ZFAND3: variants seen among roughly 807,000 people sequenced by gnomAD.
ZFAND3 encodes zinc finger AN1-type containing 3.
In ZFAND3, 10 loss-of-function variants were observed where a neutral mutation model predicts 29.6. The observed-to-expected ratio is 0.34, with a 90% CI of 0.21 to 0.57. The LOEUF (loss-of-function observed/expected upper bound fraction) is 0.57, where lower values mean the gene tolerates loss of function less well. Among genes scored for constraint, ZFAND3 ranks in the 20% least tolerant of loss-of-function variants. The pLI is 0.86. For synonymous variants in ZFAND3, 128 were observed against 112.6 expected (o/e 1.14, Z -0.87); for missense variants, 230 against 304.5 (o/e 0.76, Z 1.82).
chr6:38,012,512 G>T (rs911097837), intron 2 of ZFAND3, among the ~76,000 whole-genome samples: 1 of 151,804 alleles, frequency 6.6e-6, no homozygotes, highest in Non-Finnish European at 1.5e-5. Context: ...CCGAGTAGCT[G>T]GGACTACAGG....
chr6:38,142,673 C>T (rs1765987363), intron 5 of ZFAND3, among the ~76,000 whole-genome samples: 1 of 152,190 alleles, frequency 6.6e-6, no homozygotes, highest in African/African-American at 2.4e-5. Context: ...AGCACTCTTC[C>T]CCTGAGAGCC....
rs533861872 is a variant in ZFAND3 at position 37,883,900 on chromosome 6, G to C, written c.72-46059G>C. Among the ~76,000 whole-genome samples, 6 of 145,160 alleles carry C rather than the reference G, an allele frequency of 4.1e-5. No homozygotes were observed. The East Asian group carries it at 1.2e-3, about 28-fold the overall frequency. The stretch of plus-strand genomic sequence containing the variant: ...CCCGTCCACCTAACTAGTTCATAAT[G>C]TATGTTCAGGAGATTCGCCAGGCCT... On this transcript the variant is annotated intron_variant, in intron 1 of 5. Coordinates refer to ENST00000287218, the MANE Select transcript of ZFAND3 (RefSeq NM_021943.3).
At chr6:37,848,546 A>G (rs943273533) in intron 1 of ZFAND3, among the ~76,000 whole-genome samples, 5 of 152,248 alleles carry the variant, frequency 3.3e-5, no homozygotes, top group South Asian at 2.1e-4. Flanking sequence ...TAGCCTCATC[A>G]TAAGTTACTC....
chr6:38,132,895 T>A (rs1765769888), intron 5 of ZFAND3, among the ~76,000 whole-genome samples: 1 of 152,146 alleles, frequency 6.6e-6, no homozygotes, highest in East Asian at 1.9e-4. Flanking sequence ...CTGTCACAAA[T>A]CCTCTTCTTC....
intron 2 of ZFAND3, among the ~76,000 whole-genome samples, chr6:38,057,524 A>G (rs370657326): frequency 2.6e-5 from 4 of 152,198 alleles, no homozygotes; most frequent in African/African-American, 9.7e-5. Flanking sequence ...TTCTTCATGT[A>G]CATTATCTTA....
At chr6:37,888,199 G>C (rs1180149579) in intron 1 of ZFAND3, among the ~76,000 whole-genome samples, 1 of 152,038 alleles carries the variant, frequency 6.6e-6, no homozygotes, top group Non-Finnish European at 1.5e-5. Context: ...AATTTTTGCA[G>C]GTTTGATTAG....
intron 2 of ZFAND3, among the ~76,000 whole-genome samples, chr6:38,031,294 C>T (rs1581854155): frequency 6.6e-6 from 1 of 152,204 alleles, no homozygotes; most frequent in Non-Finnish European, 1.5e-5. Flanking sequence ...CCTTCTGACT[C>T]ATCTCCTCAA....
intron 2 of ZFAND3, among the ~76,000 whole-genome samples, chr6:37,969,387 T>A (rs987246279): frequency 3.3e-5 from 5 of 152,226 alleles, no homozygotes; most frequent in African/African-American, 1.2e-4. Context: ...TTAATACCCT[T>A]AAGCTGCCAA....
At chr6:37,991,672 C>T (rs1762760975) in intron 2 of ZFAND3, among the ~76,000 whole-genome samples, 1 of 152,178 alleles carries the variant, frequency 6.6e-6, no homozygotes, top group Non-Finnish European at 1.5e-5. Context: ...CCCTGTGTTT[C>T]TGCACAGTAG....
chr6:38,030,189 A>AT (rs1165873658), intron 2 of ZFAND3, among the ~76,000 whole-genome samples: 1 of 133,868 alleles, frequency 7.5e-6, no homozygotes, highest in East Asian at 2.2e-4. Context: ...TTCCTTTAAA[A>AT]TTTTTTTTGT....
At chr6:37,854,730 T>C (rs1327543046) in intron 1 of ZFAND3, among the ~76,000 whole-genome samples, 1 of 151,324 alleles carries the variant, frequency 6.6e-6, no homozygotes, top group Non-Finnish European at 1.5e-5. Context: ...TTAACTGTAT[T>C]ATATTTTATT....
At position 38,153,807 on chromosome 6, in the gene ZFAND3, A is replaced by G. The variant is rs912213469; in HGVS notation, c.*1418A>G. The G allele has an allele frequency of 7.1e-6, 7 of 985,428 alleles. No individual in the cohort carries two copies. The highest frequency in any genetic ancestry group is 9.4e-5 in the South Asian group (2 of 21,296). The allele number at this position is 985,428 out of a possible 1,614,324, so 61.0% of individuals were successfully genotyped here. A position where few individuals can be genotyped will look rare whatever the true frequency, so the allele number is the denominator to read the frequency against. ...GCAGTCCCAGTGGTCCTAGTGCCGCATCAGATCCAGGTGGGTGAGGGCAGG... is the reference window on the plus strand; with the variant it reads ...GCAGTCCCAGTGGTCCTAGTGCCGCGTCAGATCCAGGTGGGTGAGGGCAGG... On this transcript the variant is annotated 3_prime_UTR_variant, in exon 6 of 6. Coordinates refer to ENST00000287218, the MANE Select transcript of ZFAND3 (RefSeq NM_021943.3).
chr6:37,977,861 T>TTCCTTCCTTCCTTCCTTCCTTC, intron 2 of ZFAND3, among the ~76,000 whole-genome samples: 1 of 142,634 alleles, frequency 7.0e-6, no homozygotes, highest in Non-Finnish European at 1.5e-5. Flanking sequence ...CCTTCCTTCC[T>TTCCTTCCTTCCTTCCTTCCTTC]TCCTTCCTTT....
chr6:37,976,461 A>G lies in ZFAND3; in HGVS notation c.112+46462A>G, dbSNP rs140741958. ...TATCTGGGAATGGTGGCACACACCTATAGTCCCAGCTACTTGGGAGGCTGA... is the reference window on the plus strand; with the variant it reads ...TATCTGGGAATGGTGGCACACACCTGTAGTCCCAGCTACTTGGGAGGCTGA... On this transcript the variant is annotated intron_variant, in intron 2 of 5. Transcript: ENST00000287218. Among the ~76,000 whole-genome samples, 1,139 of 151,810 alleles carry G rather than the reference A, an allele frequency of 7.5e-3. 13 individuals carry two copies. The highest frequency in any genetic ancestry group is 0.026 in the African/African-American group (1,084 of 41,380).
intron 4 of ZFAND3, among the ~76,000 whole-genome samples, chr6:38,085,146 T>C (rs9470765): frequency 0.1 from 15,378 of 152,312 alleles, 947 homozygotes; most frequent in African/African-American, 0.15. Flanking sequence ...TGGAATGTTC[T>C]TTGTAGCCTT....
chr6:37,938,603 A>T (rs1454763635), intron 2 of ZFAND3, among the ~76,000 whole-genome samples: 3 of 152,116 alleles, frequency 2.0e-5, no homozygotes, highest in Non-Finnish European at 4.4e-5. Context: ...TGCAAGCAAG[A>T]CTCGGGCAAC....
intron 5 of ZFAND3, among the ~76,000 whole-genome samples, chr6:38,133,170 G>A (rs979425467): frequency 6.6e-6 from 1 of 152,140 alleles, no homozygotes; most frequent in Non-Finnish European, 1.5e-5. Context: ...GTCCATGGTT[G>A]GCCTCTGTTT....
chr6:38,049,513 T>A (rs1763977116), intron 2 of ZFAND3, among the ~76,000 whole-genome samples: 1 of 152,216 alleles, frequency 6.6e-6, no homozygotes, highest in South Asian at 2.1e-4. Flanking sequence ...ACACACACCC[T>A]ACTGGGACAG....
chr6:37,829,456 A>C (rs1763819501), intron 1 of ZFAND3, among the ~76,000 whole-genome samples: 1 of 151,784 alleles, frequency 6.6e-6, no homozygotes, highest in African/African-American at 2.4e-5. Flanking sequence ...GAATCACTTG[A>C]ATCAGGAGGT....
Sources: gnomAD v4.1 joint callset for allele counts (sites outside exome capture counted in the v4.1 genomes callset) on GRCh38, gnomAD v4.1.1 for gene constraint, MANE v1.5 for transcripts, NCBI Gene and HGNC (gene_info 2026-07-23, HGNC 2026-07-21) for gene names.